The following UQCRC2 variants were observed in gnomAD, a reference collection of about 807,000 sequenced individuals.
UQCRC2 encodes the protein ubiquinol-cytochrome c reductase core protein 2.
In UQCRC2, 49 loss-of-function variants were observed where a neutral mutation model predicts 55.6. The observed-to-expected ratio is 0.88, with a 90% CI of 0.70 to 1.12. The LOEUF (loss-of-function observed/expected upper bound fraction) is 1.12, where lower values mean the gene tolerates loss of function less well. Among genes scored for constraint, UQCRC2 ranks in the 50% most tolerant of loss-of-function variants. UQCRC2 has a pLI of 0.00. For missense variants in UQCRC2, 506 were observed against 547.8 expected, an observed-to-expected ratio of 0.92 and a Z score of 0.76; for synonymous variants, 193 against 192.0, an observed-to-expected ratio of 1.01 and a Z score of -0.04.
At chr16:21,969,528 T>C (rs1461796919) in intron 8 of UQCRC2, among the ~76,000 whole-genome samples, 1 of 152,090 alleles carries the variant, frequency 6.6e-6, no homozygotes, top group African/African-American at 2.4e-5. Context: ...TGAGACTCTG[T>C]CTCAAAAAAA....
In UQCRC2 at chr16:21,961,628, A is replaced by T. The variant is rs977565734; in HGVS notation, c.333-832A>T. On this transcript the variant is annotated intron_variant, in intron 4 of 13. Coordinates refer to ENST00000268379, the MANE Select transcript of UQCRC2 (RefSeq NM_003366.4). ...GTCAAATGTATATAACATAAAATTT[A>T]TATATATATATATATATATATATAT... 2.9e-3 allele frequency among the ~76,000 whole-genome samples: 83 copies of T among 28,636 alleles called. 1 individual carries two copies. Among genetic ancestry groups the T allele is most frequent in the African/African-American group, 4.3e-3 (8 of 1,856 alleles). The allele number at this position is 28,636 out of a possible 152,430, so 18.8% of individuals were successfully genotyped here. A position where few individuals can be genotyped will look rare whatever the true frequency, so the allele number is the denominator to read the frequency against.
Position 21,983,487 on chromosome 16 carries a change from A to G in UQCRC2, c.*316A>G. ...ATCAGAAACTATTAAAATTAAGGCTAAGTGGCTATCGGGGTAAATAGTGCC... is the reference window on the plus strand; with the variant it reads ...ATCAGAAACTATTAAAATTAAGGCTGAGTGGCTATCGGGGTAAATAGTGCC... On this transcript the variant is annotated 3_prime_UTR_variant, in exon 14 of 14. Transcript: ENST00000268379. 2.8e-6 allele frequency: 1 copy of G among 360,010 alleles called. No homozygotes were observed. The highest frequency in any genetic ancestry group is 4.9e-6 in the Non-Finnish European group (1 of 203,032). 22.3% of individuals were successfully genotyped at this position (360,010 alleles called of 1,614,324 possible).
At chr16:21,970,854 G>T (rs1450961793) in intron 8 of UQCRC2, among the ~76,000 whole-genome samples, 2 of 152,034 alleles carry the variant, frequency 1.3e-5, no homozygotes, top group Non-Finnish European at 2.9e-5. Flanking sequence ...CCAAACTGTT[G>T]GGATTACAGA....
rs2094444527 is a variant in UQCRC2 at position 21,983,067 on chromosome 16, CT to C, written c.1279-17del. On this transcript the variant is annotated intron_variant, in intron 13 of 13. Transcript: ENST00000268379. ...ATATTTTTATTTTTGTTAATTTTGT[CT>C]TTTGTTTGTTTCTTTAAAGGCGGCA... The C allele has an allele frequency of 1.3e-6, 2 of 1,587,642 alleles. No homozygotes were observed. The highest frequency in any genetic ancestry group is 2.3e-5 in the South Asian group (2 of 88,844).
At chr16:21,966,150 C>CAAA (rs113873072) in intron 7 of UQCRC2, among the ~76,000 whole-genome samples, 1 of 140,414 alleles carries the variant, frequency 7.1e-6, no homozygotes, top group Non-Finnish European at 1.6e-5. Context: ...CCTGTCTCTA[C>CAAA]AAAAAAAAAA....
At chr16:21,969,868 GT>G (rs1431690119) in intron 8 of UQCRC2, among the ~76,000 whole-genome samples, 1 of 150,368 alleles carries the variant, frequency 6.7e-6, no homozygotes, top group East Asian at 2.0e-4. Context: ...AATCTACTTT[GT>G]TTTTGTTTTT....
At position 21,957,713 on chromosome 16, in the gene UQCRC2, A is replaced by G. The variant is rs1247434694; in HGVS notation, c.267+147A>G. 4.9e-6 allele frequency: 6 copies of G among 1,214,810 alleles called. No homozygotes were observed. The South Asian group carries it at 7.6e-5, about 15-fold the overall frequency. 75.3% of individuals were successfully genotyped at this position (1,214,810 alleles called of 1,614,324 possible). A position where few individuals can be genotyped will look rare whatever the true frequency, so the allele number is the denominator to read the frequency against. On this transcript the variant is annotated intron_variant, in intron 3 of 13. Coordinates refer to ENST00000268379, the MANE Select transcript of UQCRC2 (RefSeq NM_003366.4). ...CGGACTGGGTAGCTTAAACCAAATA[A>G]GTTTATCCTGTTACAGTTCTAGAGG... is the stretch of plus-strand genomic sequence containing the variant.
intron 6 of UQCRC2, among the ~76,000 whole-genome samples, chr16:21,964,947 A>C (rs1479885861): frequency 6.6e-6 from 1 of 152,236 alleles, no homozygotes; most frequent in Non-Finnish European, 1.5e-5. Flanking sequence ...CAGAGGAGTA[A>C]GTCCCAGTGG....
At chr16:21,954,567 A>G (rs1421063693) in intron 1 of UQCRC2, among the ~76,000 whole-genome samples, 2 of 152,178 alleles carry the variant, frequency 1.3e-5, no homozygotes, top group African/African-American at 2.4e-5. Context: ...CTCAGAGAAA[A>G]CAGTTGGAGA....
chr16:21,955,054 CAAA>C (rs11388256), intron 1 of UQCRC2, among the ~76,000 whole-genome samples: 3 of 101,886 alleles, frequency 2.9e-5, no homozygotes, highest in Non-Finnish European at 3.7e-5. Flanking sequence ...GACTCCGTCT[CAAA>C]AAAAAAAAAA....
At chr16:21,960,086 C>G (rs944503725) in intron 4 of UQCRC2, among the ~76,000 whole-genome samples, 2 of 152,192 alleles carry the variant, frequency 1.3e-5, no homozygotes, top group Non-Finnish European at 2.9e-5. Flanking sequence ...CAACAAGAGT[C>G]AGCTTGTCGT....
At chr16:21,979,833 C>T (rs1026809557) in intron 12 of UQCRC2, among the ~76,000 whole-genome samples, 3 of 152,130 alleles carry the variant, frequency 2.0e-5, no homozygotes, top group South Asian at 2.1e-4. Context: ...ATAATCTTAA[C>T]GGGACCACCA....
At position 21,980,608 on chromosome 16, in the gene UQCRC2, G is replaced by A. The variant is rs1491000935; in HGVS notation, c.1186G>A (p.Val396Ile). ...VESSECFLEEVGSQALVAGSY... is the reference protein window; with the variant it reads ...VESSECFLEEIGSQALVAGSY... ...GTCTTCTGAGTGTTTCCTGGAAGAA[G>A]TCGGGTCCCAGGCTCTAGTTGCTGG... Residue 396 changes from valine (V) to isoleucine (I), a missense_variant, in exon 13 of 14, where the codon GTC becomes ATC. Physicochemically the swap from Val to Ile is conservative, Grantham distance 29. Coordinates refer to ENST00000268379, the MANE Select transcript of UQCRC2 (RefSeq NM_003366.4). 5 of 1,614,192 alleles carry A rather than the reference G, an allele frequency of 3.1e-6. No individual in the cohort carries two copies. The highest frequency in any genetic ancestry group is 4.2e-6 in the Non-Finnish European group (5 of 1,180,032).
chr16:21,963,033 G>A (rs948753501), intron 6 of UQCRC2, 148 bp downstream of exon 6: 19 of 1,079,038 alleles, frequency 1.8e-5, no homozygotes, highest in South Asian at 1.5e-4. Flanking sequence ...CTGTCACCCA[G>A]GCTGGAGTGC....
At chr16:21,961,033 G>A (rs1402922921) in intron 4 of UQCRC2, among the ~76,000 whole-genome samples, 1 of 152,058 alleles carries the variant, frequency 6.6e-6, no homozygotes, top group Non-Finnish European at 1.5e-5. Flanking sequence ...GTCTCACTAT[G>A]TTGCCCAGAC....
intron 13 of UQCRC2, among the ~76,000 whole-genome samples, chr16:21,981,102 A>C (rs1898715602): frequency 6.6e-6 from 1 of 152,196 alleles, no homozygotes; most frequent in Non-Finnish European, 1.5e-5. Context: ...GATCCAACCT[A>C]AATAGTGAAG....
At chr16:21,969,525 C>CT (rs1898407513) in intron 8 of UQCRC2, among the ~76,000 whole-genome samples, 2 of 152,078 alleles carry the variant, frequency 1.3e-5, no homozygotes, top group Admixed American at 1.3e-4. Flanking sequence ...GAGTGAGACT[C>CT]TGTCTCAAAA....
At chr16:21,957,150 C>A in intron 1 of UQCRC2, 85 bp from the exon 2 acceptor site, 2 of 1,334,222 alleles carry the variant, frequency 1.5e-6, no homozygotes, top group Non-Finnish European at 2.1e-6. Context: ...CACCCTCTGT[C>A]GCTTGGGTAC....
intron 1 of UQCRC2, among the ~76,000 whole-genome samples, chr16:21,954,400 C>T (rs1406035142): frequency 6.6e-6 from 1 of 152,186 alleles, no homozygotes; most frequent in South Asian, 2.1e-4. Context: ...TTTATGTTTA[C>T]ATAAATGTGC....
Sources: gnomAD v4.1 joint callset for allele counts (sites outside exome capture counted in the v4.1 genomes callset) on GRCh38, gnomAD v4.1.1 for gene constraint, MANE v1.5 for transcripts, NCBI Gene and HGNC (gene_info 2026-07-23, HGNC 2026-07-21) for gene names.